COL6A5: variants seen among roughly 807,000 people sequenced by gnomAD.
COL6A5 encodes collagen type VI alpha 5 chain.
In COL6A5, 48 loss-of-function variants were observed where a neutral mutation model predicts 65.6. That is an observed-to-expected ratio of 0.73 (90% CI 0.58 to 0.93). The LOEUF is 0.93. Among genes scored for constraint, COL6A5 ranks in the 40% least tolerant of loss-of-function variants. The pLI is 0.00. For missense variants in COL6A5, 914 were observed against 928.3 expected (o/e 0.98, Z 0.20); for synonymous variants, 291 against 322.8 (o/e 0.90, Z 1.05).
At chr3:130,373,237 A>G (rs1935631711) in intron 1 of COL6A5, among the ~76,000 whole-genome samples, 1 of 152,198 alleles carries the variant, frequency 6.6e-6, no homozygotes, top group South Asian at 2.1e-4. Context: ...TTAAGAGGTT[A>G]GGTGATGCAA....
chr3:130,384,051 G>A (rs1031372406), intron 4 of COL6A5, among the ~76,000 whole-genome samples: 1 of 152,068 alleles, frequency 6.6e-6, no homozygotes, highest in Non-Finnish European at 1.5e-5. Context: ...ACAATGACAG[G>A]TGTGCTTTAG....
intron 4 of COL6A5, among the ~76,000 whole-genome samples, chr3:130,382,482 T>TA (rs1198245649): frequency 2.0e-5 from 3 of 152,030 alleles, no homozygotes; most frequent in African/African-American, 7.2e-5. Context: ...GTTTTAAACT[T>TA]AGAGTCTTTT....
intron 7 of COL6A5, among the ~76,000 whole-genome samples, chr3:130,474,635 G>C (rs1057219006): frequency 1.3e-5 from 2 of 152,048 alleles, no homozygotes; most frequent in African/African-American, 4.8e-5. Flanking sequence ...GGAAATTTTA[G>C]AAGTAAAAAA....
chr3:130,450,607 C>A (rs549979977), intron 4 of COL6A5, among the ~76,000 whole-genome samples: 11 of 152,264 alleles, frequency 7.2e-5, no homozygotes, highest in Middle Eastern at 3.4e-3. Context: ...AACGCATGGC[C>A]ATTTTACATT....
chr3:130,356,202 T>C (rs1319058151), intron 1 of COL6A5, among the ~76,000 whole-genome samples: 1 of 152,166 alleles, frequency 6.6e-6, no homozygotes, highest in African/African-American at 2.4e-5. Context: ...AAACAAGTTA[T>C]GAATATGTTC....
intron 7 of COL6A5, chr3:130,476,750 A>G: frequency 2.1e-6 from 1 of 482,132 alleles, no homozygotes; most frequent in South Asian, 1.8e-5. Flanking sequence ...CAAAAGGATT[A>G]TCATCAAGTG....
intron 7 of COL6A5, 109 bp downstream of exon 40, chr3:130,472,035 A>T: frequency 9.0e-7 from 1 of 1,111,170 alleles, no homozygotes; most frequent in Non-Finnish European, 1.3e-6. Flanking sequence ...AGATGACAGG[A>T]TGAGGATAAA....
chr3:130,461,000 C>A (rs1210751674), intron 5 of COL6A5, among the ~76,000 whole-genome samples: 1 of 151,866 alleles, frequency 6.6e-6, no homozygotes, highest in Non-Finnish European at 1.5e-5. Context: ...AGAGGGCTTA[C>A]TATATGAAAA....
chr3:130,361,109 C>T (rs1935089415), intron 1 of COL6A5, among the ~76,000 whole-genome samples: 1 of 151,950 alleles, frequency 6.6e-6, no homozygotes, highest in Non-Finnish European at 1.5e-5. Context: ...CATCCAAAGT[C>T]CAAAGTTTAT....
exon 5 of COL6A5, chr3:130,385,130 G>A (rs1936138255): frequency 6.4e-7 from 1 of 1,551,012 alleles, no homozygotes; most frequent in Non-Finnish European, 8.7e-7. Context: ...AATGAGCAAG[G>A]TTCCCTGTTA....
intron 1 of COL6A5, among the ~76,000 whole-genome samples, chr3:130,362,252 T>TTCTCTCTCTCTCTCTCTCTC (rs373519002): frequency 0.093 from 10,599 of 113,972 alleles, 1,125 homozygotes; most frequent in East Asian, 0.49. Context: ...TAAGGTTTCT[T>TTCTCTCTCTCTCTCTCTCTC]TCTCTCTCTC....
intron 1 of COL6A5, among the ~76,000 whole-genome samples, chr3:130,434,911 T>C (rs1937977038): frequency 6.6e-6 from 1 of 152,228 alleles, no homozygotes; most frequent in African/African-American, 2.4e-5. Context: ...CTGATGATAG[T>C]TTCTTTTGCT....
At chr3:130,458,590 C>T (rs1268600506) in intron 5 of COL6A5, among the ~76,000 whole-genome samples, 1 of 152,092 alleles carries the variant, frequency 6.6e-6, no homozygotes, top group Non-Finnish European at 1.5e-5. Flanking sequence ...CATGTTTGAC[C>T]ATTTTGGTGT....
chr3:130,469,797 G>A (rs1018819808), intron 6 of COL6A5, among the ~76,000 whole-genome samples: 7 of 151,984 alleles, frequency 4.6e-5, no homozygotes, highest in African/African-American at 1.7e-4. Flanking sequence ...AGTCCTCAGA[G>A]GAAAGTATTC....
upstream of COL6A5, chr3:130,429,720 A>T: frequency 1.5e-6 from 1 of 683,146 alleles, no homozygotes; most frequent in Non-Finnish European, 2.3e-6. Context: ...TCTTTTGATT[A>T]TGACTGTAAT....
intron 29 of COL6A5, among the ~76,000 whole-genome samples, chr3:130,424,294 A>G (rs1307375524): frequency 1.3e-5 from 2 of 152,066 alleles, no homozygotes; most frequent in Non-Finnish European, 2.9e-5. Flanking sequence ...TTGCCTTCCT[A>G]TCCTCAAAAT....
chr3:130,390,214 G>A (rs1013089246), intron 6 of COL6A5, among the ~76,000 whole-genome samples: 1 of 152,098 alleles, frequency 6.6e-6, no homozygotes, highest in East Asian at 1.9e-4. Flanking sequence ...TAATGTAAAT[G>A]TGGAGGCCCT....
intron 19 of COL6A5, 55 bp from the exon 20 acceptor site, chr3:130,410,416 G>C (rs750807941): frequency 4.5e-6 from 6 of 1,335,614 alleles, no homozygotes; most frequent in Non-Finnish European, 5.2e-6. Context: ...TGATGCCTTT[G>C]TGATTTATTC....
intron 5 of COL6A5, among the ~76,000 whole-genome samples, chr3:130,461,851 C>T (rs1038917358): frequency 6.6e-6 from 1 of 151,672 alleles, no homozygotes; most frequent in African/African-American, 2.4e-5. Flanking sequence ...AAGCCATATC[C>T]GAGGTCATTT....
Sources: gnomAD v4.1 joint callset for allele counts (sites outside exome capture counted in the v4.1 genomes callset) on GRCh38, gnomAD v4.1.1 for gene constraint, MANE v1.5 for transcripts, NCBI Gene and HGNC (gene_info 2026-07-23, HGNC 2026-07-21) for gene names.